Variants in PRKN observed in about 807,000 individuals in gnomAD.
The protein encoded by PRKN is E3 ubiquitin-protein ligase parkin.
Under a neutral mutation model 59.5 loss-of-function variants are expected in PRKN, and 56 were observed. The observed-to-expected ratio is 0.94, with a 90% CI of 0.76 to 1.18. PRKN has a LOEUF of 1.18. Ranked by LOEUF, PRKN falls within the 50% of genes most tolerant of loss-of-function variation. PRKN has a pLI of 0.00. For synonymous variants in PRKN, 250 were observed against 222.1 expected, an observed-to-expected ratio of 1.13 and a Z score of -1.12; for missense variants, 657 against 596.4, an observed-to-expected ratio of 1.10 and a Z score of -1.06.
At chr6:162,695,819 G>A (rs982110699) in intron 1 of PRKN, among the ~76,000 whole-genome samples, 34 of 152,156 alleles carry the variant, frequency 2.2e-4, no homozygotes, top group African/African-American at 8.2e-4. Context: ...TCATATTTGG[G>A]AAAATAAAAA....
intron 2 of PRKN, among the ~76,000 whole-genome samples, chr6:162,358,797 C>G (rs373642558): frequency 5.9e-5 from 9 of 151,936 alleles, no homozygotes; most frequent in Admixed American, 1.3e-4. Flanking sequence ...GAGCAGCTCA[C>G]GCCTGTAATC....
intron 6 of PRKN, among the ~76,000 whole-genome samples, chr6:161,886,973 GAT>G (rs1249215035): frequency 6.6e-6 from 1 of 152,140 alleles, no homozygotes; most frequent in Non-Finnish European, 1.5e-5. Context: ...TCTGAAGAAA[GAT>G]GTGTAGAAAT....
chr6:162,439,400 C>G (rs142059801), intron 2 of PRKN, among the ~76,000 whole-genome samples: 103 of 141,092 alleles, frequency 7.3e-4, no homozygotes, highest in African/African-American at 2.7e-3. Context: ...TTTTTCTTCT[C>G]TTTTCTTTTT....
At chr6:162,367,905 G>A (rs367670471) in intron 2 of PRKN, among the ~76,000 whole-genome samples, 3 of 152,166 alleles carry the variant, frequency 2.0e-5, no homozygotes, top group African/African-American at 7.2e-5. Flanking sequence ...TGCATGCCAG[G>A]ACCCCTGAGG....
intron 5 of PRKN, among the ~76,000 whole-genome samples, chr6:162,011,051 ATATAT>A (rs1300373756): frequency 7.6e-5 from 1 of 13,186 alleles, no homozygotes; most frequent in Non-Finnish European, 9.9e-5. Context: ...TATTTATAAT[ATATAT>A]TATAATATAT....
chr6:161,537,670 C>G (rs866437453), intron 9 of PRKN, among the ~76,000 whole-genome samples: 7 of 152,132 alleles, frequency 4.6e-5, no homozygotes, highest in Non-Finnish European at 7.4e-5. Context: ...CCTGGATGGT[C>G]TCGATCTCCT....
At chr6:161,708,839 G>A (rs1300207247) in intron 7 of PRKN, among the ~76,000 whole-genome samples, 2 of 152,190 alleles carry the variant, frequency 1.3e-5, no homozygotes, top group African/African-American at 4.8e-5. Context: ...GTTGCCCAAT[G>A]CAACGAGGGA....
At chr6:162,051,076 TC>T in intron 5 of PRKN, among the ~76,000 whole-genome samples, 1 of 151,692 alleles carries the variant, frequency 6.6e-6, no homozygotes, top group Admixed American at 6.6e-5. Flanking sequence ...CATCCAAAAT[TC>T]CCCCCATTTG....
intron 2 of PRKN, among the ~76,000 whole-genome samples, chr6:162,267,778 A>G (rs995241204): frequency 6.6e-6 from 1 of 152,178 alleles, no homozygotes; most frequent in Non-Finnish European, 1.5e-5. Context: ...ACATGGAAAC[A>G]TACCAGTATT....
chr6:161,626,843 A>G (rs1402128478), intron 7 of PRKN, among the ~76,000 whole-genome samples: 2 of 152,202 alleles, frequency 1.3e-5, no homozygotes, highest in Non-Finnish European at 2.9e-5. Context: ...TTGAGTCAAC[A>G]CACTTGTGGA....
At chr6:162,256,217 G>A (rs1303366897) in intron 3 of PRKN, among the ~76,000 whole-genome samples, 2 of 152,042 alleles carry the variant, frequency 1.3e-5, no homozygotes, top group Non-Finnish European at 1.5e-5. Context: ...TATTTTCCTT[G>A]TCATAAGGGT....
At chr6:161,805,657 T>G (rs1437054189) in intron 6 of PRKN, among the ~76,000 whole-genome samples, 1 of 152,220 alleles carries the variant, frequency 6.6e-6, no homozygotes, top group Non-Finnish European at 1.5e-5. Flanking sequence ...GTTTGCACAC[T>G]CTTCTGACTT....
chr6:162,275,795 A>AC (rs1409611451), intron 2 of PRKN, among the ~76,000 whole-genome samples: 4 of 152,074 alleles, frequency 2.6e-5, no homozygotes, highest in South Asian at 4.2e-4. Context: ...CAAAAAAAAA[A>AC]AACGAAATTA....
chr6:162,660,025 CTCCTA>C (rs927162154), intron 1 of PRKN, among the ~76,000 whole-genome samples: 12 of 152,070 alleles, frequency 7.9e-5, no homozygotes, highest in African/African-American at 2.9e-4. Flanking sequence ...TATGATAATC[CTCCTA>C]TCCTAGCCAT....
chr6:162,339,359 C>T (rs1331955608), intron 2 of PRKN, among the ~76,000 whole-genome samples: 1 of 146,366 alleles, frequency 6.8e-6, no homozygotes. Flanking sequence ...AGCCCCCGCC[C>T]GGCCAGCCGC....
At chr6:162,583,735 C>T (rs1397049342) in intron 1 of PRKN, among the ~76,000 whole-genome samples, 2 of 152,084 alleles carry the variant, frequency 1.3e-5, no homozygotes, top group Admixed American at 1.3e-4. Context: ...TAAGGACTTC[C>T]ACCATTCAAA....
chr6:162,717,614 T>G (rs1014242558), intron 1 of PRKN, among the ~76,000 whole-genome samples: 2 of 148,794 alleles, frequency 1.3e-5, no homozygotes, highest in Non-Finnish European at 3.0e-5. Flanking sequence ...CCTCCAGAAC[T>G]GTAAGAAAAT....
At position 161,606,839 on chromosome 6, in the gene PRKN, AC is replaced by A. The variant is rs563241490; in HGVS notation, c.872-37424del. On this transcript the variant is annotated intron_variant, in intron 7 of 11. Transcript: ENST00000366898. ...GTGAGCAGTAAGATGACAGCATCCC[AC>A]CCCCCAGCCTATGAAGCTGGCAACT... Among the ~76,000 whole-genome samples the A allele has an allele frequency of 4.6e-5, 7 of 152,140 alleles. No individual in the cohort carries two copies. The South Asian group carries it at 1.5e-3, about 32-fold the overall frequency.
rs566094120 is a variant in PRKN, at chr6:161,705,363, A to T, written c.871+80409T>A. Among the ~76,000 whole-genome samples the T allele has an allele frequency of 9.8e-5, 15 of 152,318 alleles. No homozygotes were observed. In the South Asian group the frequency reaches 1.2e-3, roughly 13 times the overall value. On this transcript the variant is annotated intron_variant, in intron 7 of 11. Transcript: ENST00000366898. Reference sequence around the variant, plus strand: ...AAACAAGTTTTATAATAACGTGTTGATTATCTTATGCAATTTATTGAATAC... The same window carrying T: ...AAACAAGTTTTATAATAACGTGTTGTTTATCTTATGCAATTTATTGAATAC...
Sources: allele counts gnomAD v4.1 joint callset (sites outside exome capture counted in the v4.1 genomes callset), GRCh38; gene constraint gnomAD v4.1.1; transcripts MANE v1.5; gene names NCBI Gene and HGNC (gene_info 2026-07-23, HGNC 2026-07-21).